The following SAA2 variants were observed in gnomAD, a reference collection of about 807,000 sequenced individuals.
The protein encoded by SAA2 is serum amyloid A-2 protein.
SAA2 carries 5 observed loss-of-function variants against 9.1 expected under a neutral mutation model. That is an observed-to-expected ratio of 0.55 (90% CI 0.29 to 1.16). The LOEUF (loss-of-function observed/expected upper bound fraction) is 1.16. SAA2 is among the 50% of genes most tolerant of loss of function. The pLI is 0.09. For synonymous variants in SAA2, 49 were observed against 59.8 expected (o/e 0.82, Z 0.83); for missense variants, 94 against 153.8 (o/e 0.61, Z 2.06).
At chr11:18,244,759 T>C (rs559980408), downstream of SAA2, among the ~76,000 whole-genome samples, 3 of 152,232 alleles carry the variant, frequency 2.0e-5, no homozygotes, top group South Asian at 2.1e-4. Context: ...AAGAAGGCAA[T>C]GAAAATAGAG....
intron 2 of SAA2, among the ~76,000 whole-genome samples, chr11:18,246,356 G>C (rs926943386): frequency 6.6e-6 from 1 of 152,192 alleles, no homozygotes; most frequent in African/African-American, 2.4e-5. Flanking sequence ...GAGTACTTCT[G>C]CCCTGACTAC....
At chr11:18,240,214 A>G (rs917139528) in intron 3 of SAA2, 23 of 709,272 alleles carry the variant, frequency 3.2e-5, no homozygotes, top group Non-Finnish European at 4.8e-5. Context: ...TTGAAATTTG[A>G]ATGAGGCAAA....
chr11:18,248,324 C>T (rs1857668102), intron 1 of SAA2: 1 of 317,002 alleles, frequency 3.2e-6, no homozygotes, highest in African/African-American at 2.2e-5. Context: ...CGTGTGTTCC[C>T]TCTGCCCCGC....
downstream of SAA2, chr11:18,240,306 A>G (rs1405602779): frequency 2.8e-6 from 2 of 702,366 alleles, 1 homozygote; most frequent in South Asian, 3.0e-5. Flanking sequence ...ATGAGATTTC[A>G]TGGAGCAGGT....
At chr11:18,240,657 AT>A (rs1857321878), downstream of SAA2, among the ~76,000 whole-genome samples, 2 of 152,326 alleles carry the variant, frequency 1.3e-5, no homozygotes, top group South Asian at 4.1e-4. Flanking sequence ...AACGGTGCTG[AT>A]AAAAGTGGAT....
At chr11:18,243,044 T>G (rs927774227), downstream of SAA2, among the ~76,000 whole-genome samples, 1 of 152,224 alleles carries the variant, frequency 6.6e-6, no homozygotes, top group African/African-American at 2.4e-5. Context: ...ACCAAGCACC[T>G]TTTTCCTTGG....
downstream of SAA2, among the ~76,000 whole-genome samples, chr11:18,244,765 T>C (rs909202387): frequency 1.3e-5 from 2 of 152,042 alleles, no homozygotes; most frequent in African/African-American, 2.4e-5. Flanking sequence ...GCAATGAAAA[T>C]AGAGTGGAAG....
At chr11:18,239,704 C>T in exon 4 of SAA2, 1 of 441,200 alleles carries the variant, frequency 2.3e-6, no homozygotes. Flanking sequence ...GCTGCTCCTT[C>T]TCAGTCTGTT....
At position 18,247,997 on chromosome 11, in the gene SAA2, C is replaced by T. The variant is rs200219446; in HGVS notation, c.15G>A (p.Thr5=). The change falls in exon 2 of 4, where the codon ACG becomes ACA. Residue 5 remains threonine (T), a synonymous_variant. Transcript: ENST00000256733. The part of the protein sequence containing the change: MKLL[T]GLVFCSLVLS... ...GGACCAAGGAGCAGAAAACCAGGCC[C>T]GTGAGAAGCTTCATGGTGCTGAAAT... The T allele has an allele frequency of 1.1e-5, 17 of 1,613,280 alleles. 1 individual carries two copies. Among genetic ancestry groups the T allele is most frequent in the Middle Eastern group, 1.7e-4 (1 of 6,054 alleles).
rs1231097420 is a variant in SAA2, at chr11:18,247,855, C to T, written c.91+66G>A. Reference sequence around the variant, plus strand: ...AGCAGCCTTCCGAAAGCATCATTTTCCCCAGTTTATCAGGTCCAGGGCGAT... The same window carrying T: ...AGCAGCCTTCCGAAAGCATCATTTTTCCCAGTTTATCAGGTCCAGGGCGAT... On this transcript the variant is annotated intron_variant, in intron 2 of 3. Coordinates refer to ENST00000256733, the MANE Select transcript of SAA2 (RefSeq NM_030754.5). 4.3e-6 allele frequency: 7 copies of T among 1,609,924 alleles called. No homozygotes were observed. The East Asian group carries it at 8.9e-5, about 21-fold the overall frequency.
chr11:18,240,365 AAAG>A (rs1564903531), downstream of SAA2: 2 of 697,862 alleles, frequency 2.9e-6, no homozygotes, highest in East Asian at 5.4e-5. Context: ...AAGGCAGATA[AAAG>A]AAGAGCAGAG....
rs1857295088 is a variant in SAA2, at chr11:18,239,980, C to A, written c.231-11G>T. ...TCAGCTGAAAATAAACTGACAAAGG[C>A]AGATTAATAGGAGAAAAAGTCATAT... On this transcript the variant is annotated splice_polypyrimidine_tract_variant and intron_variant, in intron 3 of 3. Coordinates refer to the SAA2 transcript ENST00000414546. 7.7e-6 allele frequency: 12 copies of A among 1,550,706 alleles called. No individual in the cohort carries two copies. In the East Asian group the frequency reaches 2.9e-4, roughly 38 times the overall value.
chr11:18,240,396 T>A (rs1033486285), downstream of SAA2: 1 of 671,366 alleles, frequency 1.5e-6, no homozygotes, highest in Non-Finnish European at 2.7e-6. Flanking sequence ...TCTTCCAGCA[T>A]CTGCTGCCTT....
At chr11:18,246,125 G>T in intron 2 of SAA2, 77 bp from the exon 3 acceptor site, 1 of 1,489,734 alleles carries the variant, frequency 6.7e-7, no homozygotes, top group South Asian at 1.2e-5. Flanking sequence ...GGGAATGAAA[G>T]AAGGACAAAT....
chr11:18,242,966 A>G (rs1022184753), downstream of SAA2: 1 of 609,038 alleles, frequency 1.6e-6, no homozygotes, highest in Non-Finnish European at 3.0e-6. Context: ...GTAATTAATA[A>G]AAGGTATTTG....
intron 3 of SAA2, 141 bp from the exon 4 acceptor site, chr11:18,245,656 G>T: frequency 4.3e-6 from 6 of 1,384,752 alleles, no homozygotes; most frequent in Non-Finnish European, 5.9e-6. Flanking sequence ...CACTGACCCT[G>T]CCTGGGCACT....
downstream of SAA2, among the ~76,000 whole-genome samples, chr11:18,243,884 G>T (rs1464914402): frequency 6.6e-6 from 1 of 152,140 alleles, no homozygotes; most frequent in Admixed American, 6.5e-5. Context: ...TGATGCTGGA[G>T]CTGGACCCTG....
intron 2 of SAA2, among the ~76,000 whole-genome samples, chr11:18,246,341 A>G (rs1481726330): frequency 6.6e-6 from 1 of 152,220 alleles, no homozygotes; most frequent in African/African-American, 2.4e-5. Context: ...AAGGTGGCAG[A>G]CACAGAGTAC....
downstream of SAA2, among the ~76,000 whole-genome samples, chr11:18,243,066 G>A (rs990953846): frequency 6.6e-6 from 1 of 151,790 alleles, no homozygotes; most frequent in Non-Finnish European, 1.5e-5. Flanking sequence ...TACAAATTTC[G>A]ATTTAAAAAT....
Sources: allele counts gnomAD v4.1 joint callset (sites outside exome capture counted in the v4.1 genomes callset), GRCh38; gene constraint gnomAD v4.1.1; transcripts MANE v1.5; gene names NCBI Gene and HGNC (gene_info 2026-07-23, HGNC 2026-07-21).